Variants in EML6 observed in about 807,000 individuals in gnomAD.
EML6 encodes the protein echinoderm microtubule-associated protein-like 6.
EML6 carries 154 observed loss-of-function variants against 240.1 expected under a neutral mutation model. That is an observed-to-expected ratio of 0.64 (90% CI 0.56 to 0.73). The LOEUF (loss-of-function observed/expected upper bound fraction) is 0.73. Ranked by LOEUF, EML6 falls within the 30% of genes least tolerant of loss-of-function variation. The probability of loss-of-function intolerance (pLI) is 0.00; values close to 1 mark genes in which losing one functional copy is unlikely to be tolerated. For missense variants in EML6, 2,964 were observed against 2,474.6 expected, an observed-to-expected ratio of 1.20 and a Z score of -4.20; for synonymous variants, 1,148 against 899.0, an observed-to-expected ratio of 1.28 and a Z score of -4.95.
At chr2:54,782,193 C>T (rs969706901) in intron 2 of EML6, among the ~76,000 whole-genome samples, 2 of 152,058 alleles carry the variant, frequency 1.3e-5, no homozygotes, top group African/African-American at 2.4e-5. Flanking sequence ...CTTTTCTGTA[C>T]GTATGTTAAA....
At chr2:54,949,544 C>T (rs969337344) in intron 29 of EML6, among the ~76,000 whole-genome samples, 1 of 152,202 alleles carries the variant, frequency 6.6e-6, no homozygotes, top group African/African-American at 2.4e-5. Context: ...TGAGACTAGG[C>T]TCTCATAAAG....
chr2:54,790,423 T>A (rs1669369936), intron 2 of EML6, among the ~76,000 whole-genome samples: 1 of 152,200 alleles, frequency 6.6e-6, no homozygotes, highest in South Asian at 2.1e-4. Context: ...GTACTCTGAA[T>A]TGCAGAGTAA....
intron 2 of EML6, among the ~76,000 whole-genome samples, chr2:54,792,355 G>T (rs866496013): frequency 1.3e-5 from 2 of 152,182 alleles, no homozygotes; most frequent in Non-Finnish European, 2.9e-5. Flanking sequence ...GATCTTTGGG[G>T]ATGACTGTCA....
At chr2:54,853,975 T>G (rs1670233709) in intron 11 of EML6, 120 bp downstream of exon 11, 1 of 533,206 alleles carries the variant, frequency 1.9e-6, no homozygotes, top group African/African-American at 2.0e-5. Flanking sequence ...TTGTATATTC[T>G]TATTTACTTT....
chr2:54,900,377 T>G (rs1672993178), intron 22 of EML6, among the ~76,000 whole-genome samples: 1 of 152,116 alleles, frequency 6.6e-6, no homozygotes, highest in African/African-American at 2.4e-5. Flanking sequence ...CCATTCAAAT[T>G]GGGTAATTCG....
chr2:54,822,640 T>G (rs1668385968), intron 5 of EML6, among the ~76,000 whole-genome samples: 1 of 152,184 alleles, frequency 6.6e-6, no homozygotes, highest in Non-Finnish European at 1.5e-5. Flanking sequence ...TACAGTTTAC[T>G]TTGGGGGTTG....
At position 54,802,998 on chromosome 2, in the gene EML6, CTG is replaced by C. The variant is rs564881407; in HGVS notation, c.198-10233_198-10232del. Among the ~76,000 whole-genome samples, 47 of 152,244 alleles carry C rather than the reference CTG, an allele frequency of 3.1e-4. No individual in the cohort carries two copies. The South Asian group carries it at 3.9e-3, about 13-fold the overall frequency. On this transcript the variant is annotated intron_variant, in intron 2 of 41. Coordinates refer to ENST00000356458, the MANE Select transcript of EML6 (RefSeq NM_001039753.4). ...TTTCCAGTTCTGGGAACTTGGGAGA[CTG>C]GGGTGAAACAGGTCCCCTCTTTCCT...
rs903496107 is a variant in EML6, at chr2:54,953,163, A to T, written c.4312+471A>T. Among the ~76,000 whole-genome samples, 3 of 152,114 alleles carry T rather than the reference A, an allele frequency of 2.0e-5. No homozygotes were observed. The East Asian group carries it at 5.8e-4, about 29-fold the overall frequency. Reference sequence around the variant, plus strand: ...ACAACTTCCTGCTTGTTTTCATTGAATCATGTCCATTTTTAAGTTTAATTT... The same window carrying T: ...ACAACTTCCTGCTTGTTTTCATTGATTCATGTCCATTTTTAAGTTTAATTT... On this transcript the variant is annotated intron_variant, in intron 31 of 41. Coordinates refer to ENST00000356458, the MANE Select transcript of EML6 (RefSeq NM_001039753.4).
At position 54,725,096 on chromosome 2, in the gene EML6, G is replaced by T; in HGVS notation, c.35G>T (p.Arg12Leu). ...CGGACGGCGCCCCGCTGCCAGCTCCGGCTGGAGTGGGTGTACGGGTACCGG... is the reference window on the plus strand; with the variant it reads ...CGGACGGCGCCCCGCTGCCAGCTCCTGCTGGAGTGGGTGTACGGGTACCGG... ...ADRTAPRCQL[R>L]LEWVYGYRGH... Residue 12 changes from arginine (R) to leucine (L), a missense_variant, in exon 2 of 42, where the codon CGG becomes CTG. Coordinates refer to ENST00000356458, the MANE Select transcript of EML6 (RefSeq NM_001039753.4). The surrounding 1 kb of genome is among the most constrained non-coding windows in gnomAD (Gnocchi z 4.3). The T allele has an allele frequency of 6.5e-7, 1 of 1,531,816 alleles. No homozygotes were observed. Among genetic ancestry groups the T allele is most frequent in the Non-Finnish European group, 8.8e-7 (1 of 1,138,630 alleles). 94.9% of individuals were successfully genotyped at this position (1,531,816 alleles called of 1,614,324 possible).
intron 2 of EML6, among the ~76,000 whole-genome samples, chr2:54,804,081 C>G (rs910166744): frequency 2.6e-5 from 4 of 152,218 alleles, no homozygotes; most frequent in Non-Finnish European, 4.4e-5. Context: ...AAGACTTACC[C>G]TGAAAATGAC....
At chr2:54,775,695 C>G (rs573884336) in intron 2 of EML6, among the ~76,000 whole-genome samples, 1 of 152,256 alleles carries the variant, frequency 6.6e-6, no homozygotes, top group East Asian at 1.9e-4. Context: ...AGGAGAGTGC[C>G]TGGCTTCAAG....
At chr2:54,841,425 C>A (rs182667960) in intron 7 of EML6, among the ~76,000 whole-genome samples, 3 of 152,188 alleles carry the variant, frequency 2.0e-5, no homozygotes, top group African/African-American at 7.2e-5. Context: ...AGCCTTATGC[C>A]TTGAAAAACT....
At position 54,853,787 on chromosome 2, in the gene EML6, G is replaced by T; in HGVS notation, c.1589G>T (p.Ser530Ile). 6.4e-7 allele frequency: 1 copy of T among 1,551,616 alleles called. No individual in the cohort carries two copies. Among genetic ancestry groups the T allele is most frequent in the Non-Finnish European group, 8.7e-7 (1 of 1,146,954 alleles). Residue 530 changes from serine (S) to isoleucine (I), a missense_variant, in exon 11 of 42, where the codon AGC becomes ATC. Transcript: ENST00000356458. ...AACTCAGTGGATGCGAATTACAACAGCTCAGTGCTGGTGTCTGGAGATGAT... is the reference window on the plus strand; with the variant it reads ...AACTCAGTGGATGCGAATTACAACATCTCAGTGCTGGTGTCTGGAGATGAT... ...DINSVDANYNSSVLVSGDDFG... is the reference protein window; with the variant it reads ...DINSVDANYNISVLVSGDDFG...
chr2:54,953,929 C>G (rs1020754805), intron 31 of EML6, 54 bp from the exon 32 acceptor site: 22 of 1,404,554 alleles, frequency 1.6e-5, no homozygotes, highest in Non-Finnish European at 2.1e-5. Flanking sequence ...TAAGCATCGC[C>G]TTGGCTCTGC....
rs749456432 is a variant in EML6 at position 54,849,986 on chromosome 2, C to T, written c.1212C>T (p.Ile404=). The T allele has an allele frequency of 1.3e-4, 202 of 1,551,172 alleles. No individual in the cohort carries two copies. The highest frequency in any genetic ancestry group is 1.7e-4 in the Non-Finnish European group (191 of 1,146,678). The part of the protein sequence containing the change: ...RVRDMTEVVH[I]KDRKEVIHEM... ...GAGATATGACAGAAGTAGTTCACAT[C>T]AAAGATCGAAAAGAAGTCATTCATG... is the stretch of plus-strand genomic sequence containing the variant. Residue 404 remains isoleucine (I), a synonymous_variant, in exon 10 of 42, where the codon ATC becomes ATT. Coordinates refer to ENST00000356458, the MANE Select transcript of EML6 (RefSeq NM_001039753.4).
chr2:54,823,182 A>G (rs552352248), intron 5 of EML6, among the ~76,000 whole-genome samples: 1 of 152,230 alleles, frequency 6.6e-6, no homozygotes, highest in East Asian at 1.9e-4. Flanking sequence ...GAAGAAAGGT[A>G]AAAATCAAAG....
At position 54,853,741 on chromosome 2, in the gene EML6, T is replaced by C. The variant is rs1316647979; in HGVS notation, c.1543T>C (p.Tyr515His). ...TGAAGTGAGTGGAATTTGGCCCAAA[T>C]ACACTGAGGTTACTGACATCAACTC... ...GPEVSGIWPKYTEVTDINSVD... is the reference protein window; with the variant it reads ...GPEVSGIWPKHTEVTDINSVD... Residue 515 changes from tyrosine to histidine, a missense_variant, in exon 11 of 42, where the codon TAC (tyrosine) becomes CAC (histidine). Physicochemically the swap from Tyr to His is moderately conservative, Grantham distance 83. Coordinates refer to ENST00000356458, the MANE Select transcript of EML6 (RefSeq NM_001039753.4). 2 of 1,551,520 alleles carry C rather than the reference T, an allele frequency of 1.3e-6. No individual in the cohort carries two copies. Among genetic ancestry groups the C allele is most frequent in the Non-Finnish European group, 1.7e-6 (2 of 1,146,934 alleles).
At chr2:54,894,607 A>C (rs1194274224) in intron 19 of EML6, among the ~76,000 whole-genome samples, 1 of 152,064 alleles carries the variant, frequency 6.6e-6, no homozygotes, top group Non-Finnish European at 1.5e-5. Flanking sequence ...TGTAGGAACC[A>C]CATTCTGGTT....
At chr2:54,739,488 C>T (rs1257639228) in intron 2 of EML6, among the ~76,000 whole-genome samples, 1 of 152,178 alleles carries the variant, frequency 6.6e-6, no homozygotes, top group Non-Finnish European at 1.5e-5. Flanking sequence ...TACATGGACC[C>T]CCAGGTTAAG....
Sources: gnomAD v4.1 joint callset for allele counts (sites outside exome capture counted in the v4.1 genomes callset) on GRCh38, gnomAD v4.1.1 for gene constraint, Gnocchi (gnomAD v3.1) non-coding constraint, MANE v1.5 for transcripts, NCBI Gene and HGNC (gene_info 2026-07-23, HGNC 2026-07-21) for gene names.